SLC9B2: variants seen among roughly 807,000 people sequenced by gnomAD.
SLC9B2 encodes solute carrier family 9 member B2, also known as sodium/hydrogen exchanger 9B2.
Under a neutral mutation model 52.2 loss-of-function variants are expected in SLC9B2, and 39 were observed. The observed-to-expected ratio is 0.75, with a 90% CI of 0.58 to 0.98. SLC9B2 has a LOEUF of 0.98. Ranked by LOEUF, SLC9B2 falls within the 50% of genes least tolerant of loss-of-function variation. SLC9B2 has a pLI of 0.00. For missense variants in SLC9B2, 626 were observed against 637.5 expected, an observed-to-expected ratio of 0.98 and a Z score of 0.19; for synonymous variants, 214 against 227.0, an observed-to-expected ratio of 0.94 and a Z score of 0.51.
At position 103,024,236 on chromosome 4, in the gene SLC9B2, CAGTA is replaced by C. The variant is rs1306131602; in HGVS notation, c.*2130_*2133del. Reference sequence around the variant, plus strand: ...GATGTGCCTGGATCTCAAAAGCTTTCAGTAAGTATTTTTTGGATGCATCTACTTT... The same window carrying C: ...GATGTGCCTGGATCTCAAAAGCTTTCAGTATTTTTTGGATGCATCTACTTT... On this transcript the variant is annotated 3_prime_UTR_variant, in exon 12 of 12. Transcript: ENST00000394785. Among the ~76,000 whole-genome samples the C allele has an allele frequency of 6.6e-6, 1 of 152,132 alleles. No homozygotes were observed. The highest frequency in any genetic ancestry group is 2.1e-4 in the South Asian group (1 of 4,828).
intron 3 of SLC9B2, among the ~76,000 whole-genome samples, chr4:103,059,566 A>G (rs1440951218): frequency 1.3e-5 from 2 of 152,234 alleles, no homozygotes; most frequent in Non-Finnish European, 2.9e-5. Flanking sequence ...GCACTTCCAC[A>G]GAGATTTCGT....
At chr4:103,075,417 T>C (rs934529503) in intron 1 of SLC9B2, among the ~76,000 whole-genome samples, 2 of 152,208 alleles carry the variant, frequency 1.3e-5, no homozygotes, top group East Asian at 1.9e-4. Flanking sequence ...CACAAAGCCT[T>C]AACAAGTTTC....
At chr4:103,041,844 A>G (rs1208427942) in intron 9 of SLC9B2, among the ~76,000 whole-genome samples, 1 of 152,114 alleles carries the variant, frequency 6.6e-6, no homozygotes, top group Non-Finnish European at 1.5e-5. Flanking sequence ...TAATTGTGTG[A>G]CCTTGGACAT....
intron 10 of SLC9B2, among the ~76,000 whole-genome samples, chr4:103,031,265 G>T (rs1742675346): frequency 6.6e-6 from 1 of 152,072 alleles, no homozygotes; most frequent in Non-Finnish European, 1.5e-5. Context: ...GATGGCTTTT[G>T]AATGTAGGAA....
intron 7 of SLC9B2, among the ~76,000 whole-genome samples, chr4:103,046,655 TGTGTG>T (rs1162574247): frequency 8.7e-5 from 13 of 149,132 alleles, no homozygotes; most frequent in African/African-American, 3.2e-4. Flanking sequence ...ACTCATATTT[TGTGTG>T]AAGTCTCCAC....
At chr4:103,052,073 A>G (rs1744735629) in intron 4 of SLC9B2, among the ~76,000 whole-genome samples, 1 of 152,220 alleles carries the variant, frequency 6.6e-6, no homozygotes, top group Non-Finnish European at 1.5e-5. Flanking sequence ...GATCCTAGTA[A>G]CAAAGAGGTG....
chr4:103,031,172 T>C (rs1422888776), intron 10 of SLC9B2, among the ~76,000 whole-genome samples: 1 of 152,114 alleles, frequency 6.6e-6, no homozygotes, highest in Admixed American at 6.6e-5. Context: ...AATACTGTGA[T>C]GGAAGGAAAG....
At position 103,022,932 on chromosome 4, in the gene SLC9B2, G is replaced by A. The variant is rs148048428; in HGVS notation, c.*3438C>T. 1.3e-5 allele frequency among the ~76,000 whole-genome samples: 2 copies of A among 152,330 alleles called. No homozygotes were observed. The highest frequency in any genetic ancestry group is 2.9e-5 in the Non-Finnish European group (2 of 68,026). On this transcript the variant is annotated 3_prime_UTR_variant, in exon 12 of 12. Coordinates refer to ENST00000394785, the MANE Select transcript of SLC9B2 (RefSeq NM_178833.7). ...CGGCATCAAGTGATGACACATGAGT[G>A]AGAGGGTGAGAATGTGGCCATTGGC... is the stretch of plus-strand genomic sequence containing the variant.
At position 103,050,384 on chromosome 4, in the gene SLC9B2, T is replaced by G. The variant is rs1423965791; in HGVS notation, c.443-2A>C. On this transcript the variant is annotated splice_acceptor_variant, in intron 4 of 11. Coordinates refer to ENST00000394785, the MANE Select transcript of SLC9B2 (RefSeq NM_178833.7). LOFTEE classifies it high-confidence loss of function. ...TGAGAAACCCTGCAAGCAGCATGCC[T>G]TGAACGAAGAAATCAAACATATCTA... The G allele has an allele frequency of 6.4e-7, 1 of 1,573,700 alleles. No individual in the cohort carries two copies. Among genetic ancestry groups the G allele is most frequent in the Admixed American group, 2.0e-5 (1 of 50,358 alleles).
intron 1 of SLC9B2, among the ~76,000 whole-genome samples, chr4:103,072,809 C>T (rs1431398636): frequency 1.3e-5 from 2 of 152,090 alleles, no homozygotes; most frequent in African/African-American, 2.4e-5. Context: ...CTTGCTATGG[C>T]TTGAATGTTT....
At position 103,028,725 on chromosome 4, in the gene SLC9B2, T is replaced by C. The variant is rs1352501264; in HGVS notation, c.1392+22A>G. On this transcript the variant is annotated intron_variant, in intron 11 of 11. Coordinates refer to ENST00000394785, the MANE Select transcript of SLC9B2 (RefSeq NM_178833.7). ...CATGCAGAAATAGCAGTTAAAATGC[T>C]AAGCCATCCTATCCATCATACCTGA... 39 of 1,585,962 alleles carry C rather than the reference T, an allele frequency of 2.5e-5. No individual in the cohort carries two copies. The Admixed American group carries it at 6.7e-4, about 27-fold the overall frequency.
intron 3 of SLC9B2, among the ~76,000 whole-genome samples, chr4:103,059,636 T>A (rs1215201894): frequency 5.9e-5 from 9 of 152,206 alleles, no homozygotes; most frequent in Non-Finnish European, 1.3e-4. Flanking sequence ...AGCATATATT[T>A]GGTCTTTTCT....
intron 1 of SLC9B2, among the ~76,000 whole-genome samples, chr4:103,069,328 G>T (rs1329432687): frequency 6.6e-6 from 1 of 152,128 alleles, no homozygotes; most frequent in Non-Finnish European, 1.5e-5. Context: ...CACGGCACTT[G>T]GCCTTTACCT....
At chr4:103,032,243 A>T (rs1408040274) in intron 9 of SLC9B2, among the ~76,000 whole-genome samples, 1 of 152,158 alleles carries the variant, frequency 6.6e-6, no homozygotes, top group Non-Finnish European at 1.5e-5. Flanking sequence ...TTACTGCTGC[A>T]TAGTGATCTA....
At chr4:103,041,019 A>G (rs2110596456) in intron 9 of SLC9B2, among the ~76,000 whole-genome samples, 1 of 152,322 alleles carries the variant, frequency 6.6e-6, no homozygotes, top group South Asian at 2.1e-4. Context: ...CAGGTACTTC[A>G]TATTTTACTG....
intron 6 of SLC9B2, 73 bp from the exon 7 acceptor site, chr4:103,047,299 A>G: frequency 7.7e-7 from 1 of 1,304,228 alleles, no homozygotes; most frequent in Admixed American, 2.4e-5. Context: ...AATGCCCTCC[A>G]CTTTTTAGGG....
At chr4:103,068,710 T>A (rs1340595220) in intron 1 of SLC9B2, among the ~76,000 whole-genome samples, 3 of 152,132 alleles carry the variant, frequency 2.0e-5, no homozygotes, top group South Asian at 2.1e-4. Context: ...ATGCAACAAG[T>A]AGAATGAGTA....
At chr4:103,060,098 CT>C in intron 3 of SLC9B2, among the ~76,000 whole-genome samples, 2 of 151,360 alleles carry the variant, frequency 1.3e-5, no homozygotes, top group African/African-American at 4.8e-5. Flanking sequence ...GTGTGACTTC[CT>C]TTTGTTTTGC....
intron 9 of SLC9B2, among the ~76,000 whole-genome samples, chr4:103,036,650 C>A (rs1327007120): frequency 2.0e-5 from 3 of 147,742 alleles, no homozygotes; most frequent in African/African-American, 5.0e-5. Context: ...AATTGACATG[C>A]CTTTTTTTTT....
Sources: allele counts gnomAD v4.1 joint callset (sites outside exome capture counted in the v4.1 genomes callset), GRCh38; gene constraint gnomAD v4.1.1; transcripts MANE v1.5; gene names NCBI Gene and HGNC (gene_info 2026-07-23, HGNC 2026-07-21).